UTP20: variants seen among roughly 807,000 people sequenced by gnomAD.
UTP20 encodes UTP20 small subunit processome component.
UTP20 carries 164 observed loss-of-function variants against 329.5 expected under a neutral mutation model. That is an observed-to-expected ratio of 0.50 (90% CI 0.44 to 0.57). UTP20 has a LOEUF of 0.57. Ranked by LOEUF, UTP20 falls within the 20% of genes least tolerant of loss-of-function variation. UTP20 has a pLI of 0.00. For synonymous variants in UTP20, 1,151 were observed against 1,159.3 expected (o/e 0.99, Z 0.14); for missense variants, 3,055 against 3,284.2 (o/e 0.93, Z 1.71).
At chr12:101,314,744 A>G (rs192243556) in intron 21 of UTP20, among the ~76,000 whole-genome samples, 2 of 152,204 alleles carry the variant, frequency 1.3e-5, no homozygotes, top group African/African-American at 4.8e-5. Context: ...AGAAACAGAC[A>G]TAGGGATGTA....
intron 33 of UTP20, 34 bp downstream of exon 33, chr12:101,342,623 T>C (rs181546031): frequency 3.2e-6 from 5 of 1,579,622 alleles, no homozygotes; most frequent in Non-Finnish European, 4.3e-6. Flanking sequence ...CAAATCACCC[T>C]TTTAAAAAAA....
intron 27 of UTP20, among the ~76,000 whole-genome samples, chr12:101,331,152 A>T (rs1868745329): frequency 6.6e-6 from 1 of 152,298 alleles, no homozygotes; most frequent in South Asian, 2.1e-4. Flanking sequence ...AAATTCTATG[A>T]TTGCTCATTT....
intron 47 of UTP20, among the ~76,000 whole-genome samples, chr12:101,367,569 T>C (rs1333523443): frequency 6.6e-6 from 1 of 152,142 alleles, no homozygotes; most frequent in East Asian, 1.9e-4. Flanking sequence ...ACAGAGACCA[T>C]GTCCATCCTG....
At chr12:101,359,677 T>C (rs1187379482) in intron 43 of UTP20, among the ~76,000 whole-genome samples, 1 of 152,188 alleles carries the variant, frequency 6.6e-6, no homozygotes, top group African/African-American at 2.4e-5. Flanking sequence ...TCATTTATTT[T>C]TTCTTTAGAT....
chr12:101,366,582 T>A lies in UTP20; in HGVS notation c.6150T>A (p.Asp2050Glu). ...KEKNPVAPAP[D>E]PRLPPQSCLL... is the part of the protein sequence containing the mutation. ...GAAATCCAGTAGCCCCAGCACCAGA[T>A]CCACGTCTACCACCCCAGAGCTGCC... Residue 2050 changes from aspartate to glutamate, a missense_variant, in exon 47 of 62, where the codon GAT (aspartate) becomes GAA (glutamate). Coordinates refer to ENST00000261637, the MANE Select transcript of UTP20 (RefSeq NM_014503.3). The A allele has an allele frequency of 6.2e-7, 1 of 1,614,010 alleles. No homozygotes were observed.
Position 101,289,902 on chromosome 12 carries a change from GT to G in UTP20, c.598-227del, listed in dbSNP as rs954240206. ...AAAAGATAGAATGTTGACTTCTGTA[GT>G]TTTTTTTGTAGTACATATCTTCCTG... is the stretch of plus-strand genomic sequence containing the variant. On this transcript the variant is annotated intron_variant, in intron 6 of 61. Coordinates refer to ENST00000261637, the MANE Select transcript of UTP20 (RefSeq NM_014503.3). 41 of 243,820 alleles carry G rather than the reference GT, an allele frequency of 1.7e-4. 1 individual carries two copies. In the Middle Eastern group the frequency reaches 5.1e-3, roughly 30 times the overall value. 15.1% of individuals were successfully genotyped at this position (243,820 alleles called of 1,614,324 possible).
intron 23 of UTP20, 34 bp downstream of exon 23, chr12:101,319,669 T>C: frequency 6.6e-7 from 1 of 1,525,720 alleles, no homozygotes; most frequent in Non-Finnish European, 8.9e-7. Context: ...TTATAATTCT[T>C]TGTGAACTTT....
intron 45 of UTP20, 30 bp downstream of exon 45, chr12:101,363,773 A>T (rs772000585): frequency 7.0e-7 from 1 of 1,421,636 alleles, no homozygotes; most frequent in Non-Finnish European, 9.9e-7. Flanking sequence ...TCTGGAGATC[A>T]CAGCATTACA....
Position 101,339,039 on chromosome 12 carries a change from G to A in UTP20, c.4013+82G>A, listed in dbSNP as rs768974601. 5.2e-4 allele frequency: 726 copies of A among 1,409,628 alleles called. 1 individual carries two copies. The highest frequency in any genetic ancestry group is 6.4e-4 in the Non-Finnish European group (688 of 1,068,100). The allele number at this position is 1,409,628 out of a possible 1,614,324, so 87.3% of individuals were successfully genotyped here. Reference sequence around the variant, plus strand: ...TAAAAAATTATTATCTTGGCCAGGCGTGGTGGCTCACACCTGTAATCCCAG... The same window carrying A: ...TAAAAAATTATTATCTTGGCCAGGCATGGTGGCTCACACCTGTAATCCCAG... On this transcript the variant is annotated intron_variant, in intron 31 of 61. Transcript: ENST00000261637.
In UTP20 at chr12:101,355,110, G is replaced by GC. The variant is rs1869675974; in HGVS notation, c.5387dup (p.Ser1797IlefsTer4). On this transcript the variant is annotated frameshift_variant, in exon 41 of 62. Transcript: ENST00000261637. LOFTEE classifies it high-confidence loss of function. ...TCTCCCCAGGCTACATAAATGCCTT[G>GC]CATCTACGGTAATAAATTTATTCGG... is the stretch of plus-strand genomic sequence containing the variant. 2 of 1,612,580 alleles carry GC rather than the reference G, an allele frequency of 1.2e-6. No individual in the cohort carries two copies. The highest frequency in any genetic ancestry group is 1.7e-6 in the Non-Finnish European group (2 of 1,179,256).
intron 17 of UTP20, 66 bp downstream of exon 17, chr12:101,306,827 A>G: frequency 6.3e-6 from 9 of 1,420,944 alleles, no homozygotes; most frequent in Non-Finnish European, 8.6e-6. Flanking sequence ...TGTGGTTTCC[A>G]AAATGATACC....
intron 29 of UTP20, 137 bp from the exon 30 acceptor site, chr12:101,337,914 A>G: frequency 1.3e-6 from 1 of 793,484 alleles, no homozygotes; most frequent in East Asian, 2.7e-5. Context: ...CAAATTTTAG[A>G]TTTAAACTAA....
intron 22 of UTP20, among the ~76,000 whole-genome samples, chr12:101,319,205 A>T (rs2137258748): frequency 6.6e-6 from 1 of 152,316 alleles, no homozygotes; most frequent in Middle Eastern, 3.4e-3. Context: ...GCCACATAGA[A>T]CCTAGACAAG....
chr12:101,294,295 A>AT (rs1178391251), intron 11 of UTP20, among the ~76,000 whole-genome samples: 1 of 151,734 alleles, frequency 6.6e-6, no homozygotes, highest in Non-Finnish European at 1.5e-5. Context: ...TCGGCCAGCT[A>AT]TTTTTTTCTT....
chr12:101,335,184 G>C (rs1293129648), intron 29 of UTP20, among the ~76,000 whole-genome samples: 1 of 152,056 alleles, frequency 6.6e-6, no homozygotes, highest in Non-Finnish European at 1.5e-5. Context: ...TGGACTGTTT[G>C]AATTTTTTAT....
At position 101,342,504 on chromosome 12, in the gene UTP20, C is replaced by T. The variant is rs142061094; in HGVS notation, c.4160C>T (p.Pro1387Leu). 1 of 1,613,450 alleles carries T rather than the reference C, an allele frequency of 6.2e-7. No individual in the cohort carries two copies. The highest frequency in any genetic ancestry group is 8.5e-7 in the Non-Finnish European group (1 of 1,179,742). ...VQNLLKHCVD[P>L]TSFLKPIAKL... ...AACTTGTTAAAGCATTGTGTGGACC[C>T]TACAAGCTTCCTCAAGCCTATAGCA... Residue 1387 changes from proline to leucine, a missense_variant, in exon 33 of 62, where the codon CCT becomes CTT. By Grantham distance (98) the Pro-to-Leu change is moderately conservative. Around this residue, in one of 3 missense-constraint regions of UTP20, gnomAD observed 2,445 missense variants for 2,575.5 expected, o/e 0.95. Coordinates refer to ENST00000261637, the MANE Select transcript of UTP20 (RefSeq NM_014503.3).
At position 101,309,764 on chromosome 12, in the gene UTP20, T is replaced by C. The variant is rs563341513; in HGVS notation, c.2156T>C (p.Val719Ala). 6.2e-7 allele frequency: 1 copy of C among 1,613,704 alleles called. No individual in the cohort carries two copies. Residue 719 changes from valine to alanine, a missense_variant and splice_region_variant, in exon 19 of 62, where the codon GTG (valine) becomes GCG (alanine). Val to Ala is a moderately conservative substitution (Grantham distance 64). Coordinates refer to ENST00000261637, the MANE Select transcript of UTP20 (RefSeq NM_014503.3). ...TAVPDGPLQE[V>A]PLRYLLGMLY... ...TAAACTAGTCTTTTGTAATTGCAGG[T>C]GCCGCTTCGTTATTTGTTAGGCATG...
intron 41 of UTP20, 138 bp downstream of exon 41, chr12:101,355,256 C>T: frequency 2.1e-6 from 2 of 952,890 alleles, no homozygotes; most frequent in Non-Finnish European, 3.1e-6. Context: ...CACAATTCAC[C>T]CCTCTACTCT....
chr12:101,311,907 TATC>T, intron 20 of UTP20, 109 bp downstream of exon 20: 1 of 1,553,566 alleles, frequency 6.4e-7, no homozygotes, highest in East Asian at 2.3e-5. Context: ...AAACATATAT[TATC>T]ATGATAACTT....
Sources: allele counts gnomAD v4.1 joint callset (sites outside exome capture counted in the v4.1 genomes callset), GRCh38; gene constraint gnomAD v4.1.1; regional missense constraint gnomAD v4.1.1; transcripts MANE v1.5; gene names NCBI Gene and HGNC (gene_info 2026-07-23, HGNC 2026-07-21).